Variants in DDAH1 observed in about 807,000 individuals in gnomAD.
DDAH1 encodes N(G),N(G)-dimethylarginine dimethylaminohydrolase 1.
DDAH1 carries 19 observed loss-of-function variants against 28.8 expected under a neutral mutation model. The observed-to-expected ratio is 0.66, with a 90% confidence interval of 0.46 to 0.97. The LOEUF is 0.97. DDAH1 is among the 50% of genes least tolerant of loss of function. The pLI is 0.00. For missense variants in DDAH1, 326 were observed against 375.9 expected (o/e 0.87, Z 1.10); for synonymous variants, 153 against 154.4 (o/e 0.99, Z 0.07).
intron 1 of DDAH1, among the ~76,000 whole-genome samples, chr1:85,443,768 T>G (rs947988899): frequency 6.6e-6 from 1 of 152,218 alleles, no homozygotes. Context: ...TTTACTCTCT[T>G]TGAAGCAATT....
chr1:85,426,101 C>T (rs1653383215), intron 1 of DDAH1, among the ~76,000 whole-genome samples: 3 of 152,120 alleles, frequency 2.0e-5, no homozygotes, highest in Admixed American at 2.0e-4. Context: ...ACACTTATAA[C>T]AGTGTCACAA....
chr1:85,525,567 T>TCACACACACACACACACACA (rs3058870), intron 1 of DDAH1, among the ~76,000 whole-genome samples: 2,970 of 149,038 alleles, frequency 0.02, 51 homozygotes, highest in Middle Eastern at 0.051. Flanking sequence ...AGAATGATAT[T>TCACACACACACACACACACA]CACACACACA....
intron 4 of DDAH1, among the ~76,000 whole-genome samples, chr1:85,341,068 C>A (rs548688576): frequency 6.6e-6 from 1 of 152,344 alleles, no homozygotes; most frequent in South Asian, 2.1e-4. Context: ...TTTCCTAGGA[C>A]CCTGAACCAT....
At chr1:85,392,610 T>C (rs1570475988) in intron 1 of DDAH1, among the ~76,000 whole-genome samples, 4 of 151,546 alleles carry the variant, frequency 2.6e-5, no homozygotes, top group Non-Finnish European at 5.9e-5. Flanking sequence ...CTGGCCAACA[T>C]AGTGAAACCC....
chr1:85,465,191 C>G (rs1272662344), upstream of DDAH1: 1 of 1,134,224 alleles, frequency 8.8e-7, no homozygotes, highest in African/African-American at 1.6e-5. Context: ...GCGCCCGGAG[C>G]CCTGCCCGCG....
In DDAH1 at chr1:85,528,436, C is replaced by T. The variant is rs1293605966; in HGVS notation, c.-122-32155G>A. 5.3e-5 allele frequency among the ~76,000 whole-genome samples: 8 copies of T among 151,542 alleles called. No homozygotes were observed. The East Asian group carries it at 1.6e-3, about 29-fold the overall frequency. ...TTAAAGTAAATAAAATATTATAGGG[C>T]AATAATATGGGTATGATTTTAAATG... On this transcript the variant is annotated intron_variant, in intron 1 of 6. Transcript: ENST00000426972.
chr1:85,336,377 A>G (rs966309511), intron 4 of DDAH1, among the ~76,000 whole-genome samples: 1 of 152,206 alleles, frequency 6.6e-6, no homozygotes, highest in Non-Finnish European at 1.5e-5. Context: ...GAAATCAGCA[A>G]TAAGAGAAAT....
chr1:85,465,327 G>T, upstream of DDAH1: 1 of 555,888 alleles, frequency 1.8e-6, no homozygotes, highest in Non-Finnish European at 2.3e-6. Context: ...GAGGAGTGGG[G>T]CCAGGAGAGG....
chr1:85,531,664 C>A (rs1399731040), intron 1 of DDAH1, among the ~76,000 whole-genome samples: 2 of 146,880 alleles, frequency 1.4e-5, no homozygotes, highest in Non-Finnish European at 3.0e-5. Flanking sequence ...AAGTTTGTGA[C>A]CCAAAGTCCA....
At chr1:85,534,995 GAGTGGATGTGCTT>G (rs1381329921) in intron 1 of DDAH1, among the ~76,000 whole-genome samples, 1 of 152,032 alleles carries the variant, frequency 6.6e-6, no homozygotes, top group Non-Finnish European at 1.5e-5. Context: ...GGTGGCGTGG[GAGTGGATGTGCTT>G]AGCAATTCTT....
chr1:85,475,688 G>C (rs1464960740), intron 2 of DDAH1, among the ~76,000 whole-genome samples: 1 of 152,050 alleles, frequency 6.6e-6, no homozygotes, highest in Non-Finnish European at 1.5e-5. Flanking sequence ...TAAAATTATA[G>C]AGGGCTTCCA....
intron 1 of DDAH1, among the ~76,000 whole-genome samples, chr1:85,377,134 T>C (rs1413040964): frequency 6.6e-6 from 1 of 152,088 alleles, no homozygotes; most frequent in Non-Finnish European, 1.5e-5. Flanking sequence ...GGTGACCAAC[T>C]CCCAGTAGGT....
chr1:85,481,103 T>TTA (rs1553140291), intron 2 of DDAH1, among the ~76,000 whole-genome samples: 1 of 146,340 alleles, frequency 6.8e-6, no homozygotes, highest in African/African-American at 2.5e-5. Flanking sequence ...TTTTTGTTTT[T>TTA]TTTTTTTTTT....
chr1:85,323,509 A>G (rs1234246662), intron 5 of DDAH1, among the ~76,000 whole-genome samples: 1 of 152,218 alleles, frequency 6.6e-6, no homozygotes, highest in Non-Finnish European at 1.5e-5. Context: ...CCTTATTGGA[A>G]CACAAACACA....
chr1:85,495,280 G>A (rs1386349317), intron 2 of DDAH1: 1 of 151,966 alleles, frequency 6.6e-6, no homozygotes, highest in Non-Finnish European at 1.5e-5. Context: ...ATGAAATAAT[G>A]AGAAAGCCAT....
chr1:85,531,037 T>C (rs1230958460), intron 1 of DDAH1, among the ~76,000 whole-genome samples: 1 of 136,804 alleles, frequency 7.3e-6, no homozygotes, highest in Non-Finnish European at 1.6e-5. Context: ...AATTGAAGTA[T>C]ATATTAGCGT....
At chr1:85,520,646 A>C (rs566405192) in intron 1 of DDAH1, among the ~76,000 whole-genome samples, 1,594 of 152,344 alleles carry the variant, frequency 0.01, 28 homozygotes, top group African/African-American at 0.037. Context: ...GAATATGAAG[A>C]AGTTCATGGA....
intron 1 of DDAH1, among the ~76,000 whole-genome samples, chr1:85,541,003 C>A (rs1658457531): frequency 6.7e-6 from 1 of 148,324 alleles, no homozygotes. Context: ...ATATCTATAT[C>A]TGTATCTATA....
chr1:85,333,007 G>A (rs1385161105), intron 4 of DDAH1, among the ~76,000 whole-genome samples: 1 of 143,132 alleles, frequency 7.0e-6, no homozygotes, highest in Non-Finnish European at 1.5e-5. Context: ...CAAGAAAGCT[G>A]CCTGGAGGCC....
Sources: gnomAD v4.1 joint callset for allele counts (sites outside exome capture counted in the v4.1 genomes callset) on GRCh38, gnomAD v4.1.1 for gene constraint, MANE v1.5 for transcripts, NCBI Gene and HGNC (gene_info 2026-07-23, HGNC 2026-07-21) for gene names.